SLC17A5: variants seen among roughly 807,000 people sequenced by gnomAD.
SLC17A5 encodes the protein solute carrier family 17 member 5, also known as sialin.
A neutral mutation model predicts 59.4 loss-of-function variants in SLC17A5; 47 were observed. The observed-to-expected ratio is 0.79, with a 90% CI of 0.63 to 1.01. The LOEUF is 1.01. Ranked by LOEUF, SLC17A5 falls within the 50% of genes least tolerant of loss-of-function variation. SLC17A5 has a pLI of 0.00. For synonymous variants in SLC17A5, 202 were observed against 210.7 expected, an observed-to-expected ratio of 0.96 and a Z score of 0.36; for missense variants, 522 against 595.5, an observed-to-expected ratio of 0.88 and a Z score of 1.28.
intron 6 of SLC17A5, among the ~76,000 whole-genome samples, chr6:73,632,734 C>G (rs1486373887): frequency 1.3e-5 from 2 of 151,466 alleles, no homozygotes; most frequent in East Asian, 3.9e-4. Flanking sequence ...GAGCCACCAC[C>G]CCTGGCCAAG....
intron 9 of SLC17A5, among the ~76,000 whole-genome samples, chr6:73,604,142 T>G (rs1044695023): frequency 2.0e-5 from 3 of 152,198 alleles, no homozygotes; most frequent in Non-Finnish European, 4.4e-5. Context: ...CTCTTTTTTT[T>G]TTTTCTTTTT....
intron 1 of SLC17A5, among the ~76,000 whole-genome samples, chr6:73,646,955 C>T (rs1403399942): frequency 3.9e-5 from 6 of 152,264 alleles, no homozygotes; most frequent in African/African-American, 1.2e-4. Flanking sequence ...GAATTATAGA[C>T]GTGAGCCACT....
intron 6 of SLC17A5, among the ~76,000 whole-genome samples, chr6:73,623,660 ATT>A (rs765944142): frequency 4.4e-5 from 6 of 137,210 alleles, no homozygotes; most frequent in Admixed American, 1.6e-4. Flanking sequence ...AGTGTCTTTT[ATT>A]TTTATTTATT....
rs3757112 is a variant in SLC17A5, at chr6:73,638,419, T to C, written c.606A>G (p.Ser202=). The change falls in exon 4 of 11, where the codon TCA becomes TCG. Residue 202 remains serine (S), a synonymous_variant. Transcript: ENST00000355773. ...TGGTAATTGTTATCTCACCTGCATA[T>C]GAAATGCTAAGAAGTTTGCTTCTTT... ...PLERSKLLSI[S]YAGAQLGTVI... 0.067 allele frequency: 107,867 copies of C among 1,612,298 alleles called. 5,100 individuals carry two copies. The highest frequency in any genetic ancestry group is 0.24 in the Admixed American group (14,598 of 59,900).
At chr6:73,638,283 C>T (rs1041060720) in intron 4 of SLC17A5, 129 bp downstream of exon 4, 44 of 706,080 alleles carry the variant, frequency 6.2e-5, no homozygotes, top group South Asian at 3.3e-4. Context: ...GTTATACTAC[C>T]GAAACTTAAT....
intron 6 of SLC17A5, among the ~76,000 whole-genome samples, chr6:73,632,904 G>T (rs1290822514): frequency 6.7e-6 from 1 of 149,336 alleles, no homozygotes; most frequent in Non-Finnish European, 1.5e-5. Context: ...TTTATAATGT[G>T]TTAAATTTTT....
At chr6:73,615,157 C>T (rs113435062) in intron 8 of SLC17A5, among the ~76,000 whole-genome samples, 158 bp downstream of exon 8, 1 of 152,204 alleles carries the variant, frequency 6.6e-6, no homozygotes, top group African/African-American at 2.4e-5. Flanking sequence ...AGGCAGAAAT[C>T]CCCACAAACA....
intron 4 of SLC17A5, among the ~76,000 whole-genome samples, chr6:73,637,297 C>G (rs544441482): frequency 2.0e-5 from 3 of 152,268 alleles, no homozygotes; most frequent in Admixed American, 1.3e-4. Flanking sequence ...TAGGCACTAT[C>G]TGCCAGAGAT....
At chr6:73,643,802 C>T (rs1769413508) in intron 2 of SLC17A5, among the ~76,000 whole-genome samples, 1 of 152,184 alleles carries the variant, frequency 6.6e-6, no homozygotes. Context: ...AAAAAGAATA[C>T]TAGCTTTTCT....
At chr6:73,603,708 C>T (rs1023930502) in intron 9 of SLC17A5, among the ~76,000 whole-genome samples, 4 of 152,140 alleles carry the variant, frequency 2.6e-5, no homozygotes, top group African/African-American at 9.7e-5. Flanking sequence ...GAGCGAGCCA[C>T]TGCGCCTGGC....
intron 7 of SLC17A5, among the ~76,000 whole-genome samples, chr6:73,620,530 A>G (rs1768093245): frequency 6.6e-6 from 1 of 152,092 alleles, no homozygotes; most frequent in African/African-American, 2.4e-5. Context: ...CTATATAGTG[A>G]TCTTGTTTTT....
rs1766725410 is a variant in SLC17A5, at chr6:73,594,920, C to A, written c.*157G>T. ...ATTAAACACAGTTCATTTTATTATT[C>A]TGGCAACTAGTGATATTTCATGATT... On this transcript the variant is annotated 3_prime_UTR_variant, in exon 11 of 11. Transcript: ENST00000355773. The A allele has an allele frequency of 2.6e-6, 2 of 763,914 alleles. No homozygotes were observed. 47.3% of individuals were successfully genotyped at this position (763,914 alleles called of 1,614,324 possible). A position where few individuals can be genotyped will look rare whatever the true frequency, so the allele number is the denominator to read the frequency against.
At position 73,653,916 on chromosome 6, in the gene SLC17A5, C is replaced by T. The variant is rs1315147013; in HGVS notation, c.-30G>A. The T allele has an allele frequency of 6.4e-7, 1 of 1,571,906 alleles. No homozygotes were observed. Among genetic ancestry groups the T allele is most frequent in the Non-Finnish European group, 8.7e-7 (1 of 1,155,572 alleles). On this transcript the variant is annotated 5_prime_UTR_variant, in exon 1 of 11. In the 5' UTR this introduces an upstream ATG that the reference lacks. Transcript: ENST00000355773. ...CCTACGTGAGCAGGTGTACTCGCCA[C>T]CTGGCAGAGAAGGGAGCGCCGGCCC... is the stretch of plus-strand genomic sequence containing the variant.
At chr6:73,653,374 G>A in intron 1 of SLC17A5, 1 of 985,380 alleles carries the variant, frequency 1.0e-6, no homozygotes, top group African/African-American at 1.7e-5. Context: ...CTCTTACACC[G>A]GGGTCCTCCG....
intron 1 of SLC17A5, chr6:73,653,483 C>G (rs572374117): frequency 3.0e-6 from 3 of 985,086 alleles, no homozygotes; most frequent in South Asian, 4.7e-5. Flanking sequence ...AGCTCAGCGC[C>G]GGCTGCACCG....
intron 4 of SLC17A5, 139 bp from the exon 5 acceptor site, chr6:73,636,846 T>C: frequency 1.7e-5 from 12 of 691,640 alleles, no homozygotes; most frequent in Non-Finnish European, 2.9e-5. Flanking sequence ...TTTGGGAGGC[T>C]GATGTGGGTG....
chr6:73,651,099 C>CA (rs1190459307), intron 1 of SLC17A5, among the ~76,000 whole-genome samples: 2 of 152,008 alleles, frequency 1.3e-5, no homozygotes, highest in African/African-American at 2.4e-5. Flanking sequence ...TTAAAAGAGA[C>CA]AAAAAACATT....
intron 10 of SLC17A5, among the ~76,000 whole-genome samples, chr6:73,598,356 C>T (rs930917432): frequency 7.9e-5 from 12 of 152,138 alleles, no homozygotes; most frequent in Non-Finnish European, 1.2e-4. Context: ...ACAGGCTGGG[C>T]GCGGTGGCTC....
chr6:73,651,783 C>T (rs1769882637), intron 1 of SLC17A5, among the ~76,000 whole-genome samples: 1 of 152,076 alleles, frequency 6.6e-6, no homozygotes, highest in Non-Finnish European at 1.5e-5. Flanking sequence ...GGTCTGCTGA[C>T]CTCAGGTGAT....
Sources: allele counts gnomAD v4.1 joint callset (sites outside exome capture counted in the v4.1 genomes callset), GRCh38; gene constraint gnomAD v4.1.1; transcripts MANE v1.5; gene names NCBI Gene and HGNC (gene_info 2026-07-23, HGNC 2026-07-21).